The following GNAL variants were observed in gnomAD, a reference collection of about 807,000 sequenced individuals.
GNAL encodes the protein G protein subunit alpha L.
A neutral mutation model predicts 55.1 loss-of-function variants in GNAL; 18 were observed. That is an observed-to-expected ratio of 0.33 (90% CI 0.23 to 0.48). The LOEUF (loss-of-function observed/expected upper bound fraction) is 0.48, where lower values mean the gene tolerates loss of function less well. GNAL is among the 20% of genes least tolerant of loss of function. GNAL has a pLI of 0.99. For synonymous variants in GNAL, 253 were observed against 237.0 expected, an observed-to-expected ratio of 1.07 and a Z score of -0.62; for missense variants, 412 against 614.1, an observed-to-expected ratio of 0.67 and a Z score of 3.48.
At chr18:11,745,222 A>G (rs1380235565) in intron 1 of GNAL, among the ~76,000 whole-genome samples, 2 of 152,190 alleles carry the variant, frequency 1.3e-5, no homozygotes, top group Non-Finnish European at 2.9e-5. Flanking sequence ...GCCTGTCGTG[A>G]ACTGAAACAG....
rs1022092597 is a variant in GNAL, at chr18:11,855,158, C to T, written c.723-7237C>T. ...TTCACCATGTTGGCCAGGCTTGTCT[C>T]GGACTCCTGACCCTCAAGTGATCCG... On this transcript the variant is annotated intron_variant, in intron 5 of 11. Transcript: ENST00000334049. Among the ~76,000 whole-genome samples, 4 of 152,124 alleles carry T rather than the reference C, an allele frequency of 2.6e-5. No homozygotes were observed. The South Asian group carries it at 6.2e-4, about 24-fold the overall frequency.
chr18:11,788,194 C>A (rs2034114936), intron 4 of GNAL, among the ~76,000 whole-genome samples: 1 of 152,198 alleles, frequency 6.6e-6, no homozygotes, highest in Non-Finnish European at 1.5e-5. Flanking sequence ...AGCTTTCAAA[C>A]AAGATCCCTA....
intron 11 of GNAL, 100 bp from the exon 12 acceptor site, chr18:11,880,889 C>CT: frequency 7.9e-7 from 1 of 1,263,916 alleles, no homozygotes; most frequent in Non-Finnish European, 1.1e-6. Context: ...AAGCAGGCCA[C>CT]TGTCACCAAA....
At chr18:11,802,673 T>G (rs906809164) in intron 4 of GNAL, among the ~76,000 whole-genome samples, 3 of 152,242 alleles carry the variant, frequency 2.0e-5, no homozygotes, top group African/African-American at 4.8e-5. Flanking sequence ...ATTAAAAGCT[T>G]CTTATGAAGC....
intron 1 of GNAL, among the ~76,000 whole-genome samples, chr18:11,699,812 C>T (rs532950181): frequency 1.3e-5 from 2 of 152,118 alleles, no homozygotes; most frequent in Non-Finnish European, 2.9e-5. Context: ...GAATATACAA[C>T]GCCAAGAGGG....
intron 4 of GNAL, among the ~76,000 whole-genome samples, chr18:11,813,254 T>TAAAA (rs60626923): frequency 7.2e-6 from 1 of 138,446 alleles, no homozygotes. Flanking sequence ...GACTCCATCT[T>TAAAA]AAAAAAAAGA....
chr18:11,724,635 G>C (rs1420708623), intron 1 of GNAL, among the ~76,000 whole-genome samples: 1 of 152,202 alleles, frequency 6.6e-6, no homozygotes, highest in Non-Finnish European at 1.5e-5. Flanking sequence ...ACAGGAATTT[G>C]GGCCACTTCT....
intron 4 of GNAL, among the ~76,000 whole-genome samples, chr18:11,764,876 C>G (rs2033357875): frequency 6.6e-6 from 1 of 152,182 alleles, no homozygotes; most frequent in Non-Finnish European, 1.5e-5. Context: ...TCTATGAAAG[C>G]TGAATATAAT....
At chr18:11,826,801 T>A (rs1449643499) in intron 5 of GNAL, among the ~76,000 whole-genome samples, 3 of 152,160 alleles carry the variant, frequency 2.0e-5, no homozygotes, top group Non-Finnish European at 4.4e-5. Flanking sequence ...GAGAGCCATG[T>A]GGAGGCATCG....
intron 1 of GNAL, 61 bp downstream of exon 1, chr18:11,690,000 C>CGGCGGGCACCGGGGAGCGGT (rs1204737595): frequency 5.8e-5 from 59 of 1,012,770 alleles, no homozygotes; most frequent in Admixed American, 1.8e-4. Context: ...CCCGCGGGGG[C>CGGCGGGCACCGGGGAGCGGT]GGCGGGCACC....
chr18:11,852,592 A>T, intron 5 of GNAL: 1 of 150,914 alleles, frequency 6.6e-6, no homozygotes, highest in Non-Finnish European at 1.5e-5. Context: ...ATTTCTGTTT[A>T]TCCTTTGGGT....
chr18:11,802,907 T>C (rs1290729447), intron 4 of GNAL, among the ~76,000 whole-genome samples: 2 of 151,948 alleles, frequency 1.3e-5, no homozygotes, highest in African/African-American at 4.8e-5. Context: ...GTTCGAGAGG[T>C]ACCCGGGCTG....
At chr18:11,856,142 A>G (rs2036002922) in intron 5 of GNAL, among the ~76,000 whole-genome samples, 1 of 151,474 alleles carries the variant, frequency 6.6e-6, no homozygotes, top group Non-Finnish European at 1.5e-5. Flanking sequence ...CCAAAGCTCA[A>G]GATCTTTATA....
Position 11,855,972 on chromosome 18 carries a change from C to CA in GNAL, c.723-6411dup, listed in dbSNP as rs1208725087. ...GGGCAACAAGAGCGAAACTCCATCT[C>CA]AAAAAAAAAAAAGTGCTGAAAATAA... On this transcript the variant is annotated intron_variant, in intron 5 of 11. Transcript: ENST00000334049. Among the ~76,000 whole-genome samples the CA allele has an allele frequency of 2.0e-3, 269 of 136,990 alleles. 7 individuals carry two copies. The highest frequency in any genetic ancestry group is 4.4e-3 in the African/African-American group (160 of 36,334). The allele number at this position is 136,990 out of a possible 152,430, so 89.9% of individuals were successfully genotyped here. A position where few individuals can be genotyped will look rare whatever the true frequency, so the allele number is the denominator to read the frequency against.
rs1555648412 is a variant in GNAL, at chr18:11,768,907, A to AAAT, written c.624+14963_624+14964insATA. 3.7e-4 allele frequency among the ~76,000 whole-genome samples: 40 copies of AAAT among 109,482 alleles called. 1 individual carries two copies. The highest frequency in any genetic ancestry group is 1.8e-3 in the African/African-American group (37 of 20,396). 71.8% of individuals were successfully genotyped at this position (109,482 alleles called of 152,430 possible). On this transcript the variant is annotated intron_variant, in intron 4 of 11. Coordinates refer to ENST00000334049, the MANE Select transcript of GNAL (RefSeq NM_182978.4). ...AGACTCTGTCTCAAAAAAAAAAAAA[A>AAAT]ATATATATATAACATATTATTATAT...
In GNAL at chr18:11,807,614, G is replaced by A. The variant is rs138298799; in HGVS notation, c.625-17304G>A. 4.5e-3 allele frequency among the ~76,000 whole-genome samples: 690 copies of A among 152,370 alleles called. 7 individuals carry two copies. Among genetic ancestry groups the A allele is most frequent in the African/African-American group, 0.015 (644 of 41,598 alleles). ...AGTTGTAGTTGCCTGTTGAATTCAA[G>A]CAGTGATGTCAGGCAGGCAATTGGA... On this transcript the variant is annotated intron_variant, in intron 4 of 11. Transcript: ENST00000334049.
chr18:11,867,342 A>G, intron 8 of GNAL, 116 bp downstream of exon 8: 1 of 713,586 alleles, frequency 1.4e-6, no homozygotes, highest in Non-Finnish European at 2.5e-6. Flanking sequence ...TATAGCATTT[A>G]TAGATTATGA....
At chr18:11,839,347 C>A (rs1043899632) in intron 5 of GNAL, among the ~76,000 whole-genome samples, 7 of 151,334 alleles carry the variant, frequency 4.6e-5, no homozygotes, top group African/African-American at 1.7e-4. Context: ...AGTTTGAGAG[C>A]AGCCTGGGCA....
chr18:11,842,293 C>T (rs367974639), intron 5 of GNAL, among the ~76,000 whole-genome samples: 2 of 152,070 alleles, frequency 1.3e-5, no homozygotes, highest in Admixed American at 6.6e-5. Context: ...GTTCAGATAT[C>T]TTATATCTAA....
Sources: gnomAD v4.1 joint callset for allele counts (sites outside exome capture counted in the v4.1 genomes callset) on GRCh38, gnomAD v4.1.1 for gene constraint, MANE v1.5 for transcripts, NCBI Gene and HGNC (gene_info 2026-07-23, HGNC 2026-07-21) for gene names.